The following CFH variants were observed in gnomAD, a reference collection of about 807,000 sequenced individuals.
The protein encoded by CFH is complement factor H.
CFH carries 53 observed loss-of-function variants against 147.3 expected under a neutral mutation model. The ratio of observed to expected loss-of-function variants is 0.36; its 90% CI spans 0.29 to 0.45. CFH has a LOEUF of 0.45. Among genes scored for constraint, CFH ranks in the 20% least tolerant of loss-of-function variants. CFH has a pLI of 1.00. For missense variants in CFH, 1,380 were observed against 1,498.0 expected, an observed-to-expected ratio of 0.92 and a Z score of 1.30; for synonymous variants, 536 against 489.4, an observed-to-expected ratio of 1.10 and a Z score of -1.26.
chr1:196,731,652 C>G (rs1003497708), intron 15 of CFH, among the ~76,000 whole-genome samples: 3 of 151,986 alleles, frequency 2.0e-5, no homozygotes, highest in Non-Finnish European at 4.4e-5. Context: ...TTCAAGAACT[C>G]CCTTTAACAT....
chr1:196,726,962 C>A (rs1182206211), intron 14 of CFH, 22 bp downstream of exon 14: 3 of 1,595,802 alleles, frequency 1.9e-6, no homozygotes, highest in South Asian at 1.1e-5. Context: ...CTTCTTAAAT[C>A]AACATTTAAC....
intron 9 of CFH, among the ~76,000 whole-genome samples, chr1:196,690,823 C>A (rs1173301994): frequency 6.6e-6 from 1 of 152,120 alleles, no homozygotes; most frequent in Non-Finnish European, 1.5e-5. Context: ...GGCCGCCCCA[C>A]CCTAATCTTA....
chr1:196,666,167 C>A (rs972615168), intron 1 of CFH, among the ~76,000 whole-genome samples: 5 of 152,240 alleles, frequency 3.3e-5, no homozygotes, highest in Non-Finnish European at 7.4e-5. Context: ...ACATCCATGC[C>A]CGGTAACAAC....
intron 21 of CFH, among the ~76,000 whole-genome samples, chr1:196,746,774 C>T (rs1653024176): frequency 6.6e-6 from 1 of 152,130 alleles, no homozygotes. Context: ...AGTTCTTATT[C>T]ATATTATAGC....
In CFH at chr1:196,725,208, TCTC is replaced by T. The variant is rs1267853050; in HGVS notation, c.1787_1789del (p.Ser596del). 1 of 1,613,814 alleles carries T rather than the reference TCTC, an allele frequency of 6.2e-7. No homozygotes were observed. On this transcript the variant is annotated inframe_deletion, in exon 12 of 22. Coordinates refer to ENST00000367429, the MANE Select transcript of CFH (RefSeq NM_000186.4). ...TATAAAGTTGGAGAGGTGTTGAAAT[TCTC>T]CTGCAAACCAGGATTTACAATAGTT...
rs117630073 is a variant in CFH at position 196,693,480 on chromosome 1, C to T, written c.1336+3241C>T. On this transcript the variant is annotated intron_variant, in intron 9 of 21. Coordinates refer to ENST00000367429, the MANE Select transcript of CFH (RefSeq NM_000186.4). The stretch of plus-strand genomic sequence containing the variant: ...TGTTCCAGGCTCCCCAGTAAATGCC[C>T]GAAATGATTAATAGTATAAAACCCA... 1.3e-4 allele frequency among the ~76,000 whole-genome samples: 20 copies of T among 152,100 alleles called. No individual in the cohort carries two copies. In the East Asian group the frequency reaches 2.9e-3, roughly 22 times the overall value.
chr1:196,693,476 T>G (rs1380159888), intron 9 of CFH, among the ~76,000 whole-genome samples: 1 of 152,044 alleles, frequency 6.6e-6, no homozygotes, highest in Non-Finnish European at 1.5e-5. Flanking sequence ...CCCCAGTAAA[T>G]GCCCGAAATG....
intron 13 of CFH, 28 bp from the exon 14 acceptor site, chr1:196,726,733 A>G: frequency 6.2e-7 from 1 of 1,612,592 alleles, no homozygotes; most frequent in Non-Finnish European, 8.5e-7. Context: ...TGTTTTCACA[A>G]TAAACTTTTT....
At chr1:196,727,091 T>C in intron 14 of CFH, 151 bp downstream of exon 14, 1 of 686,704 alleles carries the variant, frequency 1.5e-6, no homozygotes, top group East Asian at 2.7e-5. Context: ...TTGCTTATAA[T>C]TCAATATGTG....
intron 9 of CFH, among the ~76,000 whole-genome samples, chr1:196,699,572 T>C (rs1294658748): frequency 6.6e-6 from 1 of 152,226 alleles, no homozygotes; most frequent in Non-Finnish European, 1.5e-5. Flanking sequence ...GATTACGCTC[T>C]TTGTGTCATC....
chr1:196,743,366 T>A lies in CFH; in HGVS notation c.3134-86T>A, dbSNP rs1652877270. ...AGATTGTCTACTTATTTTAAATTCG[T>A]CTTGAAATATATTTGTAACTGTTAT... On this transcript the variant is annotated intron_variant, in intron 19 of 21. Transcript: ENST00000367429. The A allele has an allele frequency of 3.2e-6, 5 of 1,542,816 alleles. No individual in the cohort carries two copies. In the African/African-American group the frequency reaches 6.9e-5, roughly 21 times the overall value.
At chr1:196,738,728 A>T (rs2149113999) in intron 17 of CFH, among the ~76,000 whole-genome samples, 1 of 152,284 alleles carries the variant, frequency 6.6e-6, no homozygotes, top group African/African-American at 2.4e-5. Flanking sequence ...TTTTCCAGGA[A>T]CATAGTGCAA....
At chr1:196,681,966 A>T (rs1667673319) in intron 6 of CFH, among the ~76,000 whole-genome samples, 1 of 151,824 alleles carries the variant, frequency 6.6e-6, no homozygotes, top group Non-Finnish European at 1.5e-5. Flanking sequence ...TTCTAAATCT[A>T]TAAGAAGTTT....
intron 6 of CFH, among the ~76,000 whole-genome samples, chr1:196,680,325 A>G (rs1193969016): frequency 6.6e-6 from 1 of 151,514 alleles, no homozygotes; most frequent in Non-Finnish European, 1.5e-5. Flanking sequence ...AAAAAAAAAA[A>G]AAACCTCTCA....
intron 6 of CFH, 54 bp from the exon 7 acceptor site, chr1:196,685,010 T>A: frequency 7.4e-7 from 1 of 1,348,552 alleles, no homozygotes; most frequent in Non-Finnish European, 1.1e-6. Flanking sequence ...TATAAATGAT[T>A]AATTTTAACG....
chr1:196,665,749 A>G lies in CFH; in HGVS notation c.59-7229A>G, dbSNP rs1048484000. Reference sequence around the variant, plus strand: ...CACGCCCCCACGTAGCTGGGATTACAGGCATGTGCCACAACAGTTGGCTAA... The same window carrying G: ...CACGCCCCCACGTAGCTGGGATTACGGGCATGTGCCACAACAGTTGGCTAA... On this transcript the variant is annotated intron_variant, in intron 1 of 21. Coordinates refer to ENST00000367429, the MANE Select transcript of CFH (RefSeq NM_000186.4). Among the ~76,000 whole-genome samples, 72 of 152,314 alleles carry G rather than the reference A, an allele frequency of 4.7e-4. 1 individual carries two copies. Among genetic ancestry groups the G allele is most frequent in the African/African-American group, 1.6e-3 (66 of 41,584 alleles).
chr1:196,725,604 T>C (rs923651872), intron 12 of CFH, among the ~76,000 whole-genome samples: 3 of 152,212 alleles, frequency 2.0e-5, no homozygotes, highest in Admixed American at 6.5e-5. Flanking sequence ...AAATGTTTTA[T>C]TTGGCTCACT....
intron 3 of CFH, among the ~76,000 whole-genome samples, chr1:196,674,990 T>G (rs1315524238): frequency 6.6e-6 from 1 of 152,042 alleles, no homozygotes; most frequent in African/African-American, 2.4e-5. Flanking sequence ...TGAGGGAGGT[T>G]TTTCAAATAC....
intron 14 of CFH, 121 bp from the exon 15 acceptor site, chr1:196,728,224 AT>A (rs1414522395): frequency 2.7e-6 from 2 of 734,332 alleles, no homozygotes; most frequent in African/African-American, 3.6e-5. Flanking sequence ...GGTTGGTGAA[AT>A]TTATAATGAT....
Sources: allele counts gnomAD v4.1 joint callset (sites outside exome capture counted in the v4.1 genomes callset), GRCh38; gene constraint gnomAD v4.1.1; transcripts MANE v1.5; gene names NCBI Gene and HGNC (gene_info 2026-07-23, HGNC 2026-07-21).